LRRC28: variants seen among roughly 807,000 people sequenced by gnomAD.
LRRC28 encodes leucine rich repeat containing 28.
In LRRC28, 39 loss-of-function variants were observed where a neutral mutation model predicts 45.7. That is an observed-to-expected ratio of 0.85 (90% confidence interval 0.66 to 1.12). The LOEUF is 1.12. LRRC28 is among the 50% of genes most tolerant of loss of function. The pLI, the probability that LRRC28 is intolerant of heterozygous loss-of-function variation, is 0.00. For synonymous variants in LRRC28, 206 were observed against 178.8 expected (o/e 1.15, Z -1.22); for missense variants, 435 against 438.5 (o/e 0.99, Z 0.07).
intron 5 of LRRC28, among the ~76,000 whole-genome samples, chr15:99,293,593 CA>C (rs57442636): frequency 2.3e-4 from 10 of 44,056 alleles, no homozygotes; most frequent in African/African-American, 7.0e-4. Context: ...AACTCTGTCA[CA>C]AAAAAAAAAA....
In LRRC28 at chr15:99,280,714, G is replaced by A. The variant is rs1415385931; in HGVS notation, c.209+4098G>A. Among the ~76,000 whole-genome samples, 4 of 151,912 alleles carry A rather than the reference G, an allele frequency of 2.6e-5. No homozygotes were observed. In the East Asian group the frequency reaches 7.7e-4, roughly 29 times the overall value. On this transcript the variant is annotated intron_variant, in intron 3 of 9. Coordinates refer to ENST00000301981, the MANE Select transcript of LRRC28 (RefSeq NM_144598.5). ...AGTTTTCTTCTTTCTTACCTTTGAG[G>A]TTCATGGGGTTTCTTGGGGTTGTGT...
At chr15:99,282,462 T>C (rs575953852) in intron 3 of LRRC28, among the ~76,000 whole-genome samples, 1 of 152,310 alleles carries the variant, frequency 6.6e-6, no homozygotes, top group African/African-American at 2.4e-5. Flanking sequence ...CATAATTATG[T>C]CAATGACAGG....
intron 3 of LRRC28, among the ~76,000 whole-genome samples, chr15:99,282,574 G>C (rs2081835249): frequency 6.6e-6 from 1 of 152,144 alleles, no homozygotes; most frequent in Non-Finnish European, 1.5e-5. Context: ...TCGTGTATCA[G>C]TTGTCTGATT....
chr15:99,376,652 T>C (rs955728435), intron 9 of LRRC28, among the ~76,000 whole-genome samples: 8 of 152,156 alleles, frequency 5.3e-5, no homozygotes, highest in Non-Finnish European at 1.0e-4. Context: ...ATTATTTACA[T>C]TAGGTATATA....
intron 5 of LRRC28, chr15:99,317,327 G>A (rs1456181805): frequency 6.6e-6 from 1 of 152,176 alleles, no homozygotes; most frequent in Admixed American, 6.5e-5. Flanking sequence ...CTATGAAAAA[G>A]TGTGCGGTGG....
chr15:99,368,257 A>G (rs1957393133), intron 9 of LRRC28, among the ~76,000 whole-genome samples: 2 of 152,142 alleles, frequency 1.3e-5, no homozygotes, highest in Middle Eastern at 3.2e-3. Context: ...CCTGGGGCAA[A>G]ACTCTCCAGC....
rs2081575888 is a variant in LRRC28 at position 99,274,907 on chromosome 15, G to C, written c.169-1669G>C. On this transcript the variant is annotated intron_variant, in intron 2 of 9. Coordinates refer to ENST00000301981, the MANE Select transcript of LRRC28 (RefSeq NM_144598.5). ...TCCATGTCATCCTCTTATAATTTAT[G>C]TCTTTTGGAACTCGGGTCAGACCTA... 2.6e-5 allele frequency among the ~76,000 whole-genome samples: 4 copies of C among 151,972 alleles called. No individual in the cohort carries two copies. The South Asian group carries it at 8.3e-4, about 31-fold the overall frequency.
At chr15:99,270,141 G>A (rs1426352640) in intron 2 of LRRC28, among the ~76,000 whole-genome samples, 1 of 152,212 alleles carries the variant, frequency 6.6e-6, no homozygotes. Context: ...CTGCTCAGAA[G>A]CAATGACATC....
chr15:99,303,749 G>T (rs539137837), intron 5 of LRRC28, among the ~76,000 whole-genome samples: 1 of 152,028 alleles, frequency 6.6e-6, no homozygotes, highest in Non-Finnish European at 1.5e-5. Context: ...CAGGAGAATC[G>T]CATGAATCCG....
chr15:99,270,617 TG>T, intron 2 of LRRC28, among the ~76,000 whole-genome samples: 1 of 152,254 alleles, frequency 6.6e-6, no homozygotes, highest in South Asian at 2.1e-4. Flanking sequence ...TCTTTTTTTG[TG>T]TGTGATTCCG....
At chr15:99,302,685 G>A (rs528615606) in intron 5 of LRRC28, among the ~76,000 whole-genome samples, 7 of 152,290 alleles carry the variant, frequency 4.6e-5, no homozygotes, top group Middle Eastern at 3.4e-3. Context: ...GAAGACTTCC[G>A]TCATTGCAAA....
In LRRC28 at chr15:99,287,289, C is replaced by T. The variant is rs750430368; in HGVS notation, c.242C>T (p.Pro81Leu). The change falls in exon 4 of 10, where the codon CCG (proline) becomes CTG (leucine). Residue 81 changes from proline (P) to leucine (L), a missense_variant. Transcript: ENST00000301981. ...YLHSNNIVVV[P>L]EAIGSLVKLQ... Reference sequence around the variant, plus strand: ...CACTCAAATAACATAGTTGTGGTTCCGGAAGGTATGTTTAACTTAAAAATT... The same window carrying T: ...CACTCAAATAACATAGTTGTGGTTCTGGAAGGTATGTTTAACTTAAAAATT... The T allele has an allele frequency of 7.1e-6, 11 of 1,557,034 alleles. No individual in the cohort carries two copies. The East Asian group carries it at 9.5e-5, about 13-fold the overall frequency.
At chr15:99,293,146 A>T (rs1044539855) in intron 5 of LRRC28, among the ~76,000 whole-genome samples, 4 of 152,218 alleles carry the variant, frequency 2.6e-5, no homozygotes, top group African/African-American at 9.7e-5. Flanking sequence ...GTGCCATTTC[A>T]TACAAATTAC....
At chr15:99,376,021 G>C (rs1191356970) in intron 9 of LRRC28, among the ~76,000 whole-genome samples, 1 of 151,988 alleles carries the variant, frequency 6.6e-6, no homozygotes, top group African/African-American at 2.4e-5. Context: ...ATAGCACTAA[G>C]TACTTACACT....
intron 9 of LRRC28, among the ~76,000 whole-genome samples, chr15:99,372,031 T>C (rs962075505): frequency 1.3e-5 from 2 of 152,234 alleles, no homozygotes; most frequent in East Asian, 3.8e-4. Context: ...AGATACAATA[T>C]GTTATTAGAT....
chr15:99,304,253 T>C (rs1253034594), intron 5 of LRRC28, among the ~76,000 whole-genome samples: 1 of 152,218 alleles, frequency 6.6e-6, no homozygotes, highest in Non-Finnish European at 1.5e-5. Flanking sequence ...ACAGCAAGGT[T>C]GTCAACTTTT....
At chr15:99,373,052 G>C (rs919191869) in intron 9 of LRRC28, among the ~76,000 whole-genome samples, 5 of 152,148 alleles carry the variant, frequency 3.3e-5, no homozygotes, top group Admixed American at 2.6e-4. Flanking sequence ...CTCCCACCGG[G>C]TCCTTCCCAC....
intron 3 of LRRC28, among the ~76,000 whole-genome samples, chr15:99,280,457 T>C (rs539345370): frequency 7.5e-4 from 114 of 151,842 alleles, no homozygotes; most frequent in African/African-American, 1.7e-3. Flanking sequence ...CCTATATTTT[T>C]AAAATTTTTT....
At chr15:99,357,979 A>C (rs1046304669) in intron 7 of LRRC28, among the ~76,000 whole-genome samples, 1 of 152,146 alleles carries the variant, frequency 6.6e-6, no homozygotes, top group African/African-American at 2.4e-5. Flanking sequence ...AAAAAAAGGA[A>C]ATAGACATTA....
Sources: allele counts gnomAD v4.1 joint callset (sites outside exome capture counted in the v4.1 genomes callset), GRCh38; gene constraint gnomAD v4.1.1; transcripts MANE v1.5; gene names NCBI Gene and HGNC (gene_info 2026-07-23, HGNC 2026-07-21).